Variants in XRN1 observed in about 807,000 individuals in gnomAD.
XRN1 encodes strand-exchange protein 1 homolog.
A neutral mutation model predicts 222.3 loss-of-function variants in XRN1; 67 were observed. The observed-to-expected ratio is 0.30, with a 90% CI of 0.25 to 0.37. The LOEUF is 0.37. XRN1 is among the 10% of genes least tolerant of loss of function. XRN1 has a pLI of 1.00. For missense variants in XRN1, 1,707 were observed against 2,000.2 expected, an observed-to-expected ratio of 0.85 and a Z score of 2.80; for synonymous variants, 643 against 652.4, an observed-to-expected ratio of 0.99 and a Z score of 0.22.
intron 37 of XRN1, among the ~76,000 whole-genome samples, chr3:142,326,967 C>T (rs1235945433): frequency 2.0e-5 from 3 of 152,128 alleles, no homozygotes; most frequent in Non-Finnish European, 4.4e-5. Flanking sequence ...GGATGAATCC[C>T]ACTTGATCAT....
rs758631390 is a variant in XRN1, at chr3:142,391,747, A to ATATATAT, written c.2339+5581_2339+5582insATATATA. On this transcript the variant is annotated intron_variant, in intron 20 of 40. Coordinates refer to ENST00000392981, the MANE Select transcript of XRN1 (RefSeq NM_001282857.2). ...AGACCCCGTCTCACTAAAAAAAAAA[A>ATATATAT]AAATATATATATATATATATATATA... Among the ~76,000 whole-genome samples, 294 of 108,264 alleles carry ATATATAT rather than the reference A, an allele frequency of 2.7e-3. 1 individual carries two copies. The highest frequency in any genetic ancestry group is 9.1e-3 in the African/African-American group (278 of 30,486). 71.0% of individuals were successfully genotyped at this position (108,264 alleles called of 152,430 possible).
Position 142,421,560 on chromosome 3 carries a change from T to C in XRN1, c.968-17A>G, listed in dbSNP as rs909155279. On this transcript the variant is annotated splice_polypyrimidine_tract_variant and intron_variant, in intron 8 of 40. Transcript: ENST00000392981. ...TAATATAACCTAAAAGAAACAAAAATTTAAATCTGTACTAAAAGCTGACAT... is the reference window on the plus strand; with the variant it reads ...TAATATAACCTAAAAGAAACAAAAACTTAAATCTGTACTAAAAGCTGACAT... 3 of 1,564,330 alleles carry C rather than the reference T, an allele frequency of 1.9e-6. No individual in the cohort carries two copies. Among genetic ancestry groups the C allele is most frequent in the East Asian group, 2.3e-5 (1 of 44,260 alleles).
intron 37 of XRN1, among the ~76,000 whole-genome samples, chr3:142,323,110 G>A (rs1035254495): frequency 2.6e-5 from 4 of 152,178 alleles, no homozygotes; most frequent in South Asian, 4.1e-4. Flanking sequence ...GTGAGCCACC[G>A]CATCTAGCGC....
rs559444434 is a variant in XRN1, at chr3:142,358,600, G to A, written c.3464+1262C>T. 4.6e-5 allele frequency among the ~76,000 whole-genome samples: 7 copies of A among 152,044 alleles called. No homozygotes were observed. The East Asian group carries it at 5.8e-4, about 13-fold the overall frequency. ...TTCACTGTCCCTTACTAGGAGAGGG[G>A]GGAAAAAACCACAAAAATATACTTA... is the stretch of plus-strand genomic sequence containing the variant. On this transcript the variant is annotated intron_variant, in intron 30 of 40. Coordinates refer to ENST00000392981, the MANE Select transcript of XRN1 (RefSeq NM_001282857.2).
intron 23 of XRN1, among the ~76,000 whole-genome samples, chr3:142,377,750 G>A (rs954597897): frequency 3.9e-5 from 6 of 152,080 alleles, no homozygotes; most frequent in African/African-American, 1.4e-4. Context: ...AAAGTTAAAC[G>A]TATGTAAAGA....
chr3:142,444,168 G>A (rs2070385236), intron 1 of XRN1, among the ~76,000 whole-genome samples: 1 of 152,226 alleles, frequency 6.6e-6, no homozygotes, highest in Admixed American at 6.5e-5. Flanking sequence ...ACCTAGTCTG[G>A]GCACGGGGGC....
intron 20 of XRN1, among the ~76,000 whole-genome samples, chr3:142,393,971 C>A (rs1473959679): frequency 6.6e-6 from 1 of 152,048 alleles, no homozygotes; most frequent in Non-Finnish European, 1.5e-5. Context: ...GGACTACAGG[C>A]AGGCGCTGCC....
Position 142,365,051 on chromosome 3 carries a change from T to G in XRN1, c.3390A>C (p.Lys1130Asn). 6.2e-7 allele frequency: 1 copy of G among 1,612,716 alleles called. No homozygotes were observed. The change falls in exon 29 of 41, where the codon AAA (lysine) becomes AAC (asparagine). Residue 1130 changes from lysine to asparagine, a missense_variant. Around this residue, in one of 2 missense-constraint regions of XRN1, gnomAD observed 1,234 missense variants for 1,518.2 expected, o/e 0.81. Transcript: ENST00000392981. ...VGLRGTIIGI[K>N]GANREADVLF... ...TTTCAAGTATTAGGATATTACCTCCTTTTATTCCTATGATGGTGCCTCGAA... is the reference window on the plus strand; with the variant it reads ...TTTCAAGTATTAGGATATTACCTCCGTTTATTCCTATGATGGTGCCTCGAA...
intron 22 of XRN1, among the ~76,000 whole-genome samples, chr3:142,381,203 T>C (rs2107930789): frequency 6.6e-6 from 1 of 152,310 alleles, no homozygotes; most frequent in East Asian, 1.9e-4. Flanking sequence ...TATGTGTGTA[T>C]TTACTTATAC....
intron 33 of XRN1, among the ~76,000 whole-genome samples, chr3:142,341,693 A>G (rs563922057): frequency 6.4e-4 from 97 of 152,272 alleles, no homozygotes; most frequent in South Asian, 1.5e-3. Flanking sequence ...CATCACCTAT[A>G]AAGACACATG....
chr3:142,381,176 C>T (rs944182938), intron 22 of XRN1, among the ~76,000 whole-genome samples: 4 of 151,890 alleles, frequency 2.6e-5, no homozygotes, highest in African/African-American at 7.3e-5. Context: ...AAACAAATGC[C>T]TTTAACTTTT....
intron 20 of XRN1, among the ~76,000 whole-genome samples, chr3:142,396,672 G>C (rs773525277): frequency 8.5e-5 from 13 of 152,160 alleles, no homozygotes; most frequent in Non-Finnish European, 1.8e-4. Context: ...GAGTATCCCT[G>C]AATTCTCCGA....
rs113122169 is a variant in XRN1, at chr3:142,339,686, C to G, written c.3878-4177G>C. Among the ~76,000 whole-genome samples the G allele has an allele frequency of 2.4e-3, 359 of 152,162 alleles. 1 individual carries two copies. Among genetic ancestry groups the G allele is most frequent in the African/African-American group, 7.9e-3 (329 of 41,516 alleles). ...GGTGCATTGGCTCATGCCTGTAATC[C>G]CAGCACTTTGGGAAGCTGAGGTGGG... On this transcript the variant is annotated intron_variant, in intron 33 of 40. Coordinates refer to ENST00000392981, the MANE Select transcript of XRN1 (RefSeq NM_001282857.2).
Position 142,312,727 on chromosome 3 carries a change from A to T in XRN1, c.4653T>A (p.Phe1551Leu). ...ANIMPSSSHL[F>L]GSMPWGPSVP... Reference sequence around the variant, plus strand: ...CCGATGGTCCCCATGGCATTGAGCCAAAGAGATGAGACGACGAAGGCATTA... The same window carrying T: ...CCGATGGTCCCCATGGCATTGAGCCTAAGAGATGAGACGACGAAGGCATTA... The change falls in exon 40 of 41, where the codon TTT becomes TTA. Residue 1551 changes from phenylalanine (F) to leucine (L), a missense_variant. This residue lies in a region of XRN1 where 473 missense variants were observed against 482.0 expected (regional missense o/e 0.98). Coordinates refer to ENST00000392981, the MANE Select transcript of XRN1 (RefSeq NM_001282857.2). The T allele has an allele frequency of 1.2e-6, 2 of 1,612,664 alleles. No individual in the cohort carries two copies. Among genetic ancestry groups the T allele is most frequent in the Non-Finnish European group, 1.7e-6 (2 of 1,179,322 alleles).
At chr3:142,386,494 C>T (rs2067505553) in intron 20 of XRN1, among the ~76,000 whole-genome samples, 1 of 151,944 alleles carries the variant, frequency 6.6e-6, no homozygotes, top group African/African-American at 2.4e-5. Context: ...AACTCTTAAT[C>T]AGAATAGAAG....
chr3:142,444,974 A>G (rs1559892922), intron 1 of XRN1, among the ~76,000 whole-genome samples: 1 of 151,994 alleles, frequency 6.6e-6, no homozygotes, highest in Non-Finnish European at 1.5e-5. Flanking sequence ...AAATTAATTC[A>G]CTCAAAAAAT....
chr3:142,315,477 T>A (rs1173698483), intron 39 of XRN1, among the ~76,000 whole-genome samples: 4 of 151,698 alleles, frequency 2.6e-5, no homozygotes, highest in African/African-American at 9.7e-5. Context: ...ATCAAAATAC[T>A]ACATATACAT....
At chr3:142,431,861 T>G (rs1220416314) in intron 2 of XRN1, among the ~76,000 whole-genome samples, 1 of 32,230 alleles carries the variant, frequency 3.1e-5, no homozygotes. Flanking sequence ...ATATATTATA[T>G]ATAATATATT....
intron 1 of XRN1, among the ~76,000 whole-genome samples, chr3:142,444,551 G>C (rs939684826): frequency 6.6e-6 from 1 of 152,206 alleles, no homozygotes; most frequent in Admixed American, 6.5e-5. Flanking sequence ...AGGGGTTGCA[G>C]TGAGCCGAGA....
Sources: gnomAD v4.1 joint callset for allele counts (sites outside exome capture counted in the v4.1 genomes callset) on GRCh38, gnomAD v4.1.1 for gene constraint, gnomAD v4.1.1 regional missense constraint, MANE v1.5 for transcripts, NCBI Gene and HGNC (gene_info 2026-07-23, HGNC 2026-07-21) for gene names.